Variants in ANK2 observed in about 807,000 individuals in gnomAD.
ANK2 encodes the protein ankyrin-2.
In ANK2, 83 loss-of-function variants were observed where a neutral mutation model predicts 360.5. The observed-to-expected ratio is 0.23, with a 90% CI of 0.19 to 0.28. The LOEUF (loss-of-function observed/expected upper bound fraction) is 0.28, where lower values mean the gene tolerates loss of function less well. ANK2 is among the 10% of genes least tolerant of loss of function. The pLI is 1.00. For missense variants in ANK2, 4,201 were observed against 4,795.7 expected (o/e 0.88, Z 3.66); for synonymous variants, 1,740 against 1,759.5 (o/e 0.99, Z 0.28).
chr4:112,724,236 T>C, the ANK2 span, among the ~76,000 whole-genome samples: 2 of 152,068 alleles, frequency 1.3e-5, no homozygotes, highest in East Asian at 1.9e-4. Context: ...GGTTAATTTT[T>C]GTATTTTTTG....
chr4:113,205,949 C>T (rs2098941003), intron 4 of ANK2, among the ~76,000 whole-genome samples: 1 of 152,156 alleles, frequency 6.6e-6, no homozygotes, highest in African/African-American at 2.4e-5. Flanking sequence ...TACATGGATG[C>T]ACACATATGC....
At chr4:113,366,217 A>G (rs781044645) in intron 41 of ANK2, among the ~76,000 whole-genome samples, 1 of 152,108 alleles carries the variant, frequency 6.6e-6, no homozygotes, top group Non-Finnish European at 1.5e-5. Context: ...CTAGAGCTCT[A>G]TAATTCACTC....
intron 24 of ANK2, 123 bp from the exon 25 acceptor site, chr4:113,317,584 C>G: frequency 1.3e-6 from 1 of 740,776 alleles, no homozygotes; most frequent in Non-Finnish European, 2.4e-6. Flanking sequence ...CTTGTGTCCC[C>G]CTGGAAGTTG....
rs2095740688 is a variant in ANK2 at position 113,355,977 on chromosome 4, T to C, written c.7359T>C (p.Asp2453=). The C allele has an allele frequency of 6.2e-7, 1 of 1,613,960 alleles. No homozygotes were observed. Among genetic ancestry groups the C allele is most frequent in the African/African-American group, 1.3e-5 (1 of 74,916 alleles). The change falls in exon 38 of 46, where the codon GAT becomes GAC. Residue 2453 remains aspartate (D), a synonymous_variant. Transcript: ENST00000357077. ...LEDNSSHKTP[D]SLEPSPLKES... ...ATAACTCTTCACACAAAACCCCTGA[T>C]TCTCTGGAGCCAAGTCCTCTGAAAG... is the stretch of plus-strand genomic sequence containing the variant.
intron 2 of ANK2, among the ~76,000 whole-genome samples, chr4:112,948,317 A>G (rs1236729300): frequency 2.0e-5 from 3 of 152,234 alleles, no homozygotes; most frequent in Non-Finnish European, 4.4e-5. Flanking sequence ...TATATCTTGA[A>G]CATGTCTGCT....
the ANK2 span, among the ~76,000 whole-genome samples, chr4:112,715,781 C>G: frequency 2.6e-5 from 4 of 152,044 alleles, no homozygotes; most frequent in Admixed American, 6.6e-5. Flanking sequence ...CTTTTTCCTA[C>G]TGAATGAGGA....
chr4:112,899,290 C>G (rs2082610441), intron 1 of ANK2, among the ~76,000 whole-genome samples: 1 of 152,068 alleles, frequency 6.6e-6, no homozygotes, highest in Non-Finnish European at 1.5e-5. Flanking sequence ...AAAAGGAGTT[C>G]CCTTTCAATT....
At chr4:112,874,957 T>G (rs776792177) in intron 1 of ANK2, among the ~76,000 whole-genome samples, 1 of 152,146 alleles carries the variant, frequency 6.6e-6, no homozygotes. Flanking sequence ...GTGGAAACAC[T>G]TGTTTGTTTT....
At chr4:112,978,508 C>T (rs2042133686) in intron 2 of ANK2, among the ~76,000 whole-genome samples, 1 of 152,156 alleles carries the variant, frequency 6.6e-6, no homozygotes, top group South Asian at 2.1e-4. Context: ...CCCTGGAAAC[C>T]ACCATTCTCC....
intron 1 of ANK2, among the ~76,000 whole-genome samples, chr4:113,094,517 C>CGTGTGT (rs35254461): frequency 5.4e-5 from 8 of 149,474 alleles, no homozygotes; most frequent in Admixed American, 2.7e-4. Context: ...GGGTGCAGCA[C>CGTGTGT]GTGTGTGTGT....
At chr4:113,224,856 CT>C (rs1388852628) in intron 4 of ANK2, among the ~76,000 whole-genome samples, 1 of 145,306 alleles carries the variant, frequency 6.9e-6, no homozygotes, top group Non-Finnish European at 1.5e-5. Context: ...ATATTAAGTT[CT>C]GGCTAAGAGA....
chr4:112,877,855 A>G (rs921083593), intron 1 of ANK2, among the ~76,000 whole-genome samples: 3 of 152,102 alleles, frequency 2.0e-5, no homozygotes, highest in African/African-American at 7.2e-5. Flanking sequence ...CCTAGCTAAA[A>G]TCGTTAAATA....
chr4:113,256,011 C>A (rs1178712891), intron 11 of ANK2, 79 bp downstream of exon 11: 1 of 1,483,092 alleles, frequency 6.7e-7, no homozygotes, highest in Non-Finnish European at 9.4e-7. Context: ...CATGCATACA[C>A]CAGCAATGCA....
In ANK2 at chr4:113,252,431, C is replaced by T. The variant is rs575547220; in HGVS notation, c.990+2569C>T. Among the ~76,000 whole-genome samples, 4 of 152,162 alleles carry T rather than the reference C, an allele frequency of 2.6e-5. No homozygotes were observed. In the South Asian group the frequency reaches 8.3e-4, roughly 32 times the overall value. ...CTGAAGCAACTATCTAAGTGTCACC[C>T]CCTCATTCTTTGTCAATTCTAGCTC... On this transcript the variant is annotated intron_variant, in intron 10 of 45. Transcript: ENST00000357077.
At chr4:113,126,594 G>A (rs113468166) in intron 1 of ANK2, among the ~76,000 whole-genome samples, 14 of 152,248 alleles carry the variant, frequency 9.2e-5, no homozygotes, top group African/African-American at 2.4e-4. Context: ...TGTGGGCTCC[G>A]AGGGACAGGA....
At chr4:112,707,883 T>C in the ANK2 span, among the ~76,000 whole-genome samples, 1 of 152,228 alleles carries the variant, frequency 6.6e-6, no homozygotes, top group Non-Finnish European at 1.5e-5. Flanking sequence ...AATTAAAAGC[T>C]GTGTAAAATG....
At chr4:113,073,143 G>A (rs949857462) in intron 1 of ANK2, among the ~76,000 whole-genome samples, 3 of 151,452 alleles carry the variant, frequency 2.0e-5, no homozygotes, top group Admixed American at 6.6e-5. Flanking sequence ...TGTATTTTTG[G>A]TAGAGATGGG....
chr4:112,969,368 G>A lies in ANK2; in HGVS notation c.21+64854G>A, dbSNP rs575367274. Among the ~76,000 whole-genome samples, 74 of 152,278 alleles carry A rather than the reference G, an allele frequency of 4.9e-4. 2 individuals carry two copies. In the South Asian group the frequency reaches 0.015, roughly 30 times the overall value. On this transcript the variant is annotated intron_variant, in intron 2 of 30. Transcript: ENST00000503271. Reference sequence around the variant, plus strand: ...TATCTACAGGCATTCATGTAGGTTGGCCTAGTCCGCAATTTTCCCTTACTT... The same window carrying A: ...TATCTACAGGCATTCATGTAGGTTGACCTAGTCCGCAATTTTCCCTTACTT...
intron 33 of ANK2, 51 bp from the exon 34 acceptor site, chr4:113,342,966 A>T (rs2153982823): frequency 6.2e-7 from 1 of 1,610,398 alleles, no homozygotes; most frequent in Non-Finnish European, 8.5e-7. Context: ...TGTGTAAACA[A>T]CAAGTATAAT....
Sources: allele counts gnomAD v4.1 joint callset (sites outside exome capture counted in the v4.1 genomes callset), GRCh38; gene constraint gnomAD v4.1.1; transcripts MANE v1.5; gene names NCBI Gene and HGNC (gene_info 2026-07-23, HGNC 2026-07-21).